Variants in TENM3 observed in about 807,000 individuals in gnomAD.
TENM3 encodes teneurin-3.
Under a neutral mutation model 255.1 loss-of-function variants are expected in TENM3, and 63 were observed. That is an observed-to-expected ratio of 0.25 (90% CI 0.20 to 0.30). The LOEUF (loss-of-function observed/expected upper bound fraction) is 0.30, where lower values mean the gene tolerates loss of function less well. Among genes scored for constraint, TENM3 ranks in the 10% least tolerant of loss-of-function variants. The probability of loss-of-function intolerance (pLI) is 1.00; values close to 1 mark genes in which losing one functional copy is unlikely to be tolerated. For missense variants in TENM3, 2,929 were observed against 3,461.1 expected (o/e 0.85, Z 3.86); for synonymous variants, 1,306 against 1,322.3 (o/e 0.99, Z 0.27).
At chr4:182,258,212 A>G (rs943002300) in intron 1 of TENM3, among the ~76,000 whole-genome samples, 3 of 152,182 alleles carry the variant, frequency 2.0e-5, no homozygotes, top group Non-Finnish European at 4.4e-5. Flanking sequence ...AAATCCTACT[A>G]TATCTATTTT....
At chr4:182,456,655 C>A (rs1436677249) in intron 3 of TENM3, among the ~76,000 whole-genome samples, 1 of 152,102 alleles carries the variant, frequency 6.6e-6, no homozygotes, top group African/African-American at 2.4e-5. Flanking sequence ...ATATCTAATG[C>A]AACTCTCTTT....
At chr4:181,634,665 C>T in the TENM3 span, among the ~76,000 whole-genome samples, 2 of 152,082 alleles carry the variant, frequency 1.3e-5, no homozygotes, top group Non-Finnish European at 2.9e-5. Flanking sequence ...AAAGCCTCTG[C>T]TTATCTCTAA....
At chr4:182,458,313 A>G (rs575966238) in intron 3 of TENM3, among the ~76,000 whole-genome samples, 3 of 152,362 alleles carry the variant, frequency 2.0e-5, no homozygotes, top group Admixed American at 1.3e-4. Context: ...ATTAAAGGCT[A>G]TTAACACATC....
chr4:182,386,870 G>A (rs13128593), intron 3 of TENM3, among the ~76,000 whole-genome samples: 14,087 of 152,258 alleles, frequency 0.093, 754 homozygotes, highest in Non-Finnish European at 0.12. Context: ...GAGCCTCCCC[G>A]ACGAATGCCG....
the TENM3 span, among the ~76,000 whole-genome samples, chr4:181,483,826 A>G: frequency 6.6e-6 from 1 of 152,154 alleles, no homozygotes; most frequent in Non-Finnish European, 1.5e-5. Flanking sequence ...GTGTGTTACA[A>G]GCAGTTCTTT....
chr4:181,756,525 A>G, the TENM3 span, among the ~76,000 whole-genome samples: 1 of 152,202 alleles, frequency 6.6e-6, no homozygotes, highest in Non-Finnish European at 1.5e-5. Context: ...TGTGCAGGCA[A>G]CAGGAGTAAT....
At position 182,558,148 on chromosome 4, in the gene TENM3, C is replaced by T. The variant is rs1481781433; in HGVS notation, c.512-42776C>T. On this transcript the variant is annotated intron_variant, in intron 3 of 27. Coordinates refer to ENST00000511685, the MANE Select transcript of TENM3 (RefSeq NM_001080477.4). ...AGTGGTTTGCCCTCGATGGAGTGCACAAGAGGAAAGAATGGGAATAGCCCT... is the reference window on the plus strand; with the variant it reads ...AGTGGTTTGCCCTCGATGGAGTGCATAAGAGGAAAGAATGGGAATAGCCCT... Among the ~76,000 whole-genome samples, 3 of 152,086 alleles carry T rather than the reference C, an allele frequency of 2.0e-5. No homozygotes were observed. In the East Asian group the frequency reaches 5.8e-4, roughly 29 times the overall value.
the TENM3 span, among the ~76,000 whole-genome samples, chr4:181,947,370 A>T: frequency 3.3e-5 from 5 of 152,308 alleles, no homozygotes; most frequent in East Asian, 7.7e-4. Context: ...TTTAATAGAC[A>T]GGTTTTATGA....
At position 182,628,843 on chromosome 4, in the gene TENM3, C is replaced by A. The variant is rs374395378; in HGVS notation, c.942C>A (p.Ala314=). The A allele has an allele frequency of 6.2e-7, 1 of 1,609,350 alleles. No individual in the cohort carries two copies. Among genetic ancestry groups the A allele is most frequent in the Non-Finnish European group, 8.5e-7 (1 of 1,177,896 alleles). Residue 314 remains alanine, a synonymous_variant, in exon 5 of 28, where the codon GCC becomes GCA. Transcript: ENST00000511685. ...GCTGGAAATGCACTGCACTGTGTGC[C>A]GTAGGGGTCTCGGTGCTCCTGGCAA... The part of the protein sequence containing the change: ...YCSWKCTALC[A]VGVSVLLAIL...
At chr4:181,603,509 T>C in the TENM3 span, among the ~76,000 whole-genome samples, 3 of 152,140 alleles carry the variant, frequency 2.0e-5, no homozygotes, top group African/African-American at 7.2e-5. Context: ...TTTCTAATCC[T>C]GGACAAAAGT....
the TENM3 span, among the ~76,000 whole-genome samples, chr4:181,718,602 G>A: frequency 4.6e-5 from 7 of 152,146 alleles, no homozygotes; most frequent in East Asian, 3.9e-4. Flanking sequence ...GGGTTTGGTC[G>A]CAATGGAAAT....
At chr4:182,161,652 T>TATAC (rs1561152567) in intron 1 of TENM3, among the ~76,000 whole-genome samples, 3 of 75,582 alleles carry the variant, frequency 4.0e-5, no homozygotes, top group Non-Finnish European at 5.0e-5. Flanking sequence ...TATATATATA[T>TATAC]ACACACACAC....
chr4:182,001,097 C>A, the TENM3 span, among the ~76,000 whole-genome samples: 5 of 151,342 alleles, frequency 3.3e-5, no homozygotes, highest in East Asian at 7.8e-4. Context: ...CACCACCACC[C>A]ACCAAGGTAT....
chr4:182,208,971 T>C (rs1238461952), intron 1 of TENM3, among the ~76,000 whole-genome samples: 3 of 150,912 alleles, frequency 2.0e-5, no homozygotes, highest in East Asian at 1.9e-4. Context: ...TCTTTTTTTT[T>C]GTTTTTTTTT....
At chr4:181,773,497 T>C in the TENM3 span, among the ~76,000 whole-genome samples, 3 of 152,240 alleles carry the variant, frequency 2.0e-5, no homozygotes, top group Non-Finnish European at 4.4e-5. Context: ...ACTTATGCTG[T>C]AAATGCTCTA....
chr4:181,803,695 T>C, the TENM3 span, among the ~76,000 whole-genome samples: 1 of 151,970 alleles, frequency 6.6e-6, no homozygotes, highest in South Asian at 2.1e-4. Context: ...CTAGGTACCA[T>C]GGCTCATGCC....
chr4:181,496,504 A>C, the TENM3 span, among the ~76,000 whole-genome samples: 1 of 152,168 alleles, frequency 6.6e-6, no homozygotes, highest in African/African-American at 2.4e-5. Flanking sequence ...ATAAAATAAA[A>C]TTATTTTAAC....
chr4:181,977,704 AC>A, the TENM3 span, among the ~76,000 whole-genome samples: 1 of 152,140 alleles, frequency 6.6e-6, no homozygotes, highest in East Asian at 1.9e-4. Flanking sequence ...AAATCAGGGC[AC>A]CTGGGGTGGG....
the TENM3 span, among the ~76,000 whole-genome samples, chr4:182,088,744 G>GA: frequency 6.6e-6 from 1 of 151,260 alleles, no homozygotes; most frequent in East Asian, 2.0e-4. Context: ...TGAGGCAGGA[G>GA]AATTGCTTGA....
Sources: allele counts gnomAD v4.1 joint callset (sites outside exome capture counted in the v4.1 genomes callset), GRCh38; gene constraint gnomAD v4.1.1; transcripts MANE v1.5; gene names NCBI Gene and HGNC (gene_info 2026-07-23, HGNC 2026-07-21).